Variants in DCDC1 observed in about 807,000 individuals in gnomAD.
DCDC1 encodes doublecortin domain containing 1.
Under a neutral mutation model 178.3 loss-of-function variants are expected in DCDC1, and 200 were observed. The ratio of observed to expected loss-of-function variants is 1.12; its 90% CI spans 1.00 to 1.26. The LOEUF is 1.26. DCDC1 is among the 50% of genes most tolerant of loss of function. The pLI, the probability that DCDC1 is intolerant of heterozygous loss-of-function variation, is 0.00. For missense variants in DCDC1, 1,983 were observed against 1,749.2 expected, an observed-to-expected ratio of 1.13 and a Z score of -2.38; for synonymous variants, 690 against 604.8, an observed-to-expected ratio of 1.14 and a Z score of -2.07.
At chr11:31,146,881 C>T (rs1964510913) in intron 9 of DCDC1, among the ~76,000 whole-genome samples, 1 of 152,164 alleles carries the variant, frequency 6.6e-6, no homozygotes, top group Non-Finnish European at 1.5e-5. Flanking sequence ...TGACCTAGGA[C>T]ACATGAAAAC....
At chr11:31,144,999 ATTATATTTAAATAT>A (rs1397988957) in intron 9 of DCDC1, among the ~76,000 whole-genome samples, 2 of 152,080 alleles carry the variant, frequency 1.3e-5, no homozygotes, top group African/African-American at 2.4e-5. Context: ...AACTTTTATT[ATTATATTTAAATAT>A]TTAAGTTACC....
At chr11:31,346,123 T>C (rs995573783) in intron 1 of DCDC1, among the ~76,000 whole-genome samples, 2 of 152,162 alleles carry the variant, frequency 1.3e-5, no homozygotes, top group East Asian at 1.9e-4. Context: ...ATCTAACTTC[T>C]AGGGTTTTTT....
rs1948475273 is a variant in DCDC1, at chr11:30,952,335, C to G, written c.2715+110G>C. 5 of 963,442 alleles carry G rather than the reference C, an allele frequency of 5.2e-6. No individual in the cohort carries two copies. In the South Asian group the frequency reaches 1.6e-4, roughly 31 times the overall value. The allele number at this position is 963,442 out of a possible 1,614,324, so 59.7% of individuals were successfully genotyped here. ...CAGAATTAGCAAGTTTGATATCTTG[C>G]ACCTAACAGCTGCAATTCAAAAGCT... On this transcript the variant is annotated intron_variant, in intron 21 of 38. Coordinates refer to ENST00000684477, the MANE Select transcript of DCDC1 (RefSeq NM_001387274.1).
chr11:31,213,100 CCTCTCTCTCTCTCTCTCT>C (rs71060480), intron 9 of DCDC1, among the ~76,000 whole-genome samples: 1,119 of 44,278 alleles, frequency 0.025, 41 homozygotes, highest in African/African-American at 0.037. Context: ...TAAAGCCCAG[CCTCTCTCTCTCTCTCTCT>C]CTCTCTCTCT....
In DCDC1 at chr11:31,305,716, G is replaced by A. The variant is rs931421406; in HGVS notation, c.653C>T (p.Ala218Val). The stretch of plus-strand genomic sequence containing the variant: ...AGGTTCGAGGGCTTCCTTGCCGTCT[G>A]CCAAGAACACTCGTCTTGCGGCCAT... ...LNMAARRVFL[A>V]DGKEALEPED... Residue 218 changes from alanine (A) to valine (V), a missense_variant, in exon 6 of 39, where the codon GCA becomes GTA. Ala to Val is a moderately conservative substitution (Grantham distance 64). Coordinates refer to ENST00000684477, the MANE Select transcript of DCDC1 (RefSeq NM_001387274.1). The A allele has an allele frequency of 1.2e-6, 2 of 1,613,688 alleles. No homozygotes were observed. The highest frequency in any genetic ancestry group is 3.3e-5 in the Admixed American group (2 of 59,978).
intron 27 of DCDC1, among the ~76,000 whole-genome samples, chr11:30,913,767 T>C (rs1337519324): frequency 2.0e-5 from 3 of 152,230 alleles, no homozygotes; most frequent in African/African-American, 7.2e-5. Context: ...AGACAGACAC[T>C]GAGCAAGATT....
intron 9 of DCDC1, among the ~76,000 whole-genome samples, chr11:31,233,739 C>T (rs950319627): frequency 2.0e-5 from 3 of 152,148 alleles, no homozygotes; most frequent in Non-Finnish European, 2.9e-5. Context: ...CTACCCAACA[C>T]CAAATTAGAT....
At chr11:31,247,454 TA>T (rs1247406147) in intron 8 of DCDC1, among the ~76,000 whole-genome samples, 1 of 151,728 alleles carries the variant, frequency 6.6e-6, no homozygotes, top group African/African-American at 2.4e-5. Flanking sequence ...AAGTATGGAG[TA>T]ATGGGTTCAT....
chr11:31,165,834 A>G (rs1966737887), intron 9 of DCDC1, among the ~76,000 whole-genome samples: 1 of 152,180 alleles, frequency 6.6e-6, no homozygotes, highest in Admixed American at 6.5e-5. Flanking sequence ...TCTGCATGTA[A>G]AAATCTCTAT....
intron 20 of DCDC1, among the ~76,000 whole-genome samples, chr11:31,042,438 T>C (rs1954524243): frequency 6.6e-6 from 1 of 152,176 alleles, no homozygotes; most frequent in Non-Finnish European, 1.5e-5. Context: ...ATTTTTAAAA[T>C]GTCTTTGTGA....
intron 38 of DCDC1, among the ~76,000 whole-genome samples, chr11:30,865,581 A>G (rs592198): frequency 0.015 from 2,288 of 152,244 alleles, 59 homozygotes; most frequent in African/African-American, 0.052. Context: ...AATTTTATCA[A>G]TGTTATAAAA....
At chr11:31,023,565 T>C (rs1283370086) in intron 20 of DCDC1, among the ~76,000 whole-genome samples, 2 of 152,014 alleles carry the variant, frequency 1.3e-5, no homozygotes, top group African/African-American at 2.4e-5. Context: ...AGCCTAAATA[T>C]CTAATCTAGA....
chr11:31,361,076 T>A (rs927607105), intron 1 of DCDC1, among the ~76,000 whole-genome samples: 13 of 152,244 alleles, frequency 8.5e-5, no homozygotes, highest in Admixed American at 6.5e-5. Context: ...GTAATGAATT[T>A]CAGATGGTTC....
intron 8 of DCDC1, among the ~76,000 whole-genome samples, chr11:31,251,041 C>T (rs1216843236): frequency 1.3e-5 from 2 of 152,170 alleles, no homozygotes; most frequent in Admixed American, 1.3e-4. Context: ...GTGTGAGCCA[C>T]CATGCCCAGC....
intron 21 of DCDC1, 39 bp downstream of exon 21, chr11:30,952,406 T>A: frequency 5.4e-6 from 8 of 1,491,910 alleles, no homozygotes; most frequent in Non-Finnish European, 7.2e-6. Context: ...GGCCTTAAAG[T>A]AAGTCTCAAT....
chr11:31,355,382 G>C, intron 1 of DCDC1, among the ~76,000 whole-genome samples: 1 of 152,056 alleles, frequency 6.6e-6, no homozygotes, highest in Admixed American at 6.5e-5. Flanking sequence ...TACAGAATCA[G>C]GCAAGAGCCA....
intron 9 of DCDC1, among the ~76,000 whole-genome samples, chr11:31,182,764 T>C (rs1968977733): frequency 6.6e-6 from 1 of 152,148 alleles, no homozygotes; most frequent in South Asian, 2.1e-4. Context: ...TAACCTTAAA[T>C]GTAAACGGGC....
intron 1 of DCDC1, among the ~76,000 whole-genome samples, chr11:31,358,068 A>G (rs1313629166): frequency 1.3e-5 from 2 of 151,304 alleles, no homozygotes; most frequent in Non-Finnish European, 3.0e-5. Context: ...GACTTTCTTC[A>G]CAGAATTGGA....
intron 21 of DCDC1, among the ~76,000 whole-genome samples, chr11:30,941,075 T>C (rs560835757): frequency 2.6e-5 from 4 of 152,214 alleles, no homozygotes; most frequent in Admixed American, 6.5e-5. Context: ...AATCTATCAG[T>C]TAAATGTGCT....
Sources: allele counts gnomAD v4.1 joint callset (sites outside exome capture counted in the v4.1 genomes callset), GRCh38; gene constraint gnomAD v4.1.1; transcripts MANE v1.5; gene names NCBI Gene and HGNC (gene_info 2026-07-23, HGNC 2026-07-21).